The following CLPB variants were observed in gnomAD, a reference collection of about 807,000 sequenced individuals.
The protein encoded by CLPB is mitochondrial disaggregase.
Under a neutral mutation model 78.4 loss-of-function variants are expected in CLPB, and 40 were observed. The ratio of observed to expected loss-of-function variants is 0.51; its 90% CI spans 0.40 to 0.66. CLPB has a LOEUF of 0.66. CLPB is among the 30% of genes least tolerant of loss of function. The pLI, the probability that CLPB is intolerant of heterozygous loss-of-function variation, is 0.00. For missense variants in CLPB, 780 were observed against 886.9 expected (o/e 0.88, Z 1.53); for synonymous variants, 333 against 348.0 (o/e 0.96, Z 0.48).
chr11:72,393,236 G>A (rs1232902574), intron 3 of CLPB, among the ~76,000 whole-genome samples: 1 of 152,164 alleles, frequency 6.6e-6, no homozygotes, highest in Non-Finnish European at 1.5e-5. Context: ...CCTAAGGCCA[G>A]TGTAGTCAGG....
At chr11:72,349,893 G>C (rs1414253771) in intron 5 of CLPB, among the ~76,000 whole-genome samples, 1 of 152,248 alleles carries the variant, frequency 6.6e-6, no homozygotes, top group Non-Finnish European at 1.5e-5. Context: ...CCTCACCCAA[G>C]GGAGCCTTGG....
intron 2 of CLPB, among the ~76,000 whole-genome samples, chr11:72,405,859 C>T (rs1855693490): frequency 6.6e-6 from 1 of 151,644 alleles, no homozygotes; most frequent in Admixed American, 6.6e-5. Context: ...ACCTGGGAGG[C>T]GGAGCTTGCA....
At chr11:72,426,224 GTGT>G (rs1198796452) in intron 2 of CLPB, among the ~76,000 whole-genome samples, 1 of 152,198 alleles carries the variant, frequency 6.6e-6, no homozygotes, top group Non-Finnish European at 1.5e-5. Context: ...ATGGGTAGGG[GTGT>G]TGTCTTTCAC....
chr11:72,376,656 T>A (rs1025822635), intron 4 of CLPB, among the ~76,000 whole-genome samples: 3 of 152,082 alleles, frequency 2.0e-5, no homozygotes, highest in Non-Finnish European at 4.4e-5. Flanking sequence ...ATTATTATTT[T>A]TTTTTAACAG....
At position 72,380,704 on chromosome 11, in the gene CLPB, T is replaced by C. The variant is rs370786492; in HGVS notation, c.543-320A>G. ...AAAAGGCAGCAGCCTCTGAAACTTA[T>C]CAGCTGAGAAGCTTGGGACAAGTTA... On this transcript the variant is annotated intron_variant, in intron 3 of 15. Coordinates refer to ENST00000538039, the MANE Select transcript of CLPB (RefSeq NM_001258392.3). 1.6e-4 allele frequency among the ~76,000 whole-genome samples: 24 copies of C among 152,172 alleles called. 5 individuals carry two copies. Among genetic ancestry groups the C allele is most frequent in the Admixed American group, 1.4e-3 (21 of 15,278 alleles).
chr11:72,356,047 C>T (rs1194351411), intron 5 of CLPB, among the ~76,000 whole-genome samples: 3 of 151,942 alleles, frequency 2.0e-5, no homozygotes, highest in Admixed American at 6.6e-5. Flanking sequence ...TTTGGGAGGC[C>T]GAGGCGGGCG....
chr11:72,370,385 T>C (rs1383901177), intron 4 of CLPB, among the ~76,000 whole-genome samples: 25 of 152,202 alleles, frequency 1.6e-4, no homozygotes, highest in Admixed American at 1.6e-3. Context: ...GGCTGATTCA[T>C]TTAATCATGC....
At chr11:72,422,885 A>G (rs1363527081) in intron 2 of CLPB, among the ~76,000 whole-genome samples, 2 of 152,216 alleles carry the variant, frequency 1.3e-5, no homozygotes, top group South Asian at 4.1e-4. Flanking sequence ...GGACACCTCA[A>G]TCCTGGCACA....
At chr11:72,337,272 T>G in intron 5 of CLPB, 1 of 395,860 alleles carries the variant, frequency 2.5e-6, no homozygotes, top group Non-Finnish European at 4.5e-6. Context: ...TACACAGACA[T>G]TCACACTTGC....
At chr11:72,344,887 A>G (rs1302470008) in intron 5 of CLPB, among the ~76,000 whole-genome samples, 2 of 152,242 alleles carry the variant, frequency 1.3e-5, no homozygotes, top group Non-Finnish European at 2.9e-5. Context: ...CAAATAGACA[A>G]TTCACAAAAG....
intron 3 of CLPB, among the ~76,000 whole-genome samples, chr11:72,394,949 C>T (rs561435209): frequency 9.2e-5 from 14 of 152,280 alleles, no homozygotes; most frequent in Middle Eastern, 6.8e-3. Context: ...TTCTTGGGTT[C>T]CCTGCCGGTT....
intron 5 of CLPB, among the ~76,000 whole-genome samples, chr11:72,340,019 G>C (rs777876110): frequency 6.6e-6 from 1 of 152,180 alleles, no homozygotes; most frequent in Non-Finnish European, 1.5e-5. Flanking sequence ...ACTTGTTTAT[G>C]AACCTACAGA....
chr11:72,314,048 G>A (rs985900265), intron 7 of CLPB, among the ~76,000 whole-genome samples: 4 of 152,218 alleles, frequency 2.6e-5, no homozygotes, highest in African/African-American at 9.6e-5. Context: ...GGAGAGTCCA[G>A]AAGGGTGCAA....
intron 2 of CLPB, among the ~76,000 whole-genome samples, chr11:72,414,163 T>C (rs1290443062): frequency 1.3e-5 from 2 of 152,124 alleles, no homozygotes; most frequent in Non-Finnish European, 2.9e-5. Context: ...AGGCTGAGAC[T>C]GAATAAAACA....
chr11:72,333,486 T>C (rs1950264693), intron 5 of CLPB, among the ~76,000 whole-genome samples: 1 of 152,258 alleles, frequency 6.6e-6, no homozygotes, highest in Non-Finnish European at 1.5e-5. Context: ...ACTCTCTCCT[T>C]TGAGTTCTAT....
intron 3 of CLPB, among the ~76,000 whole-genome samples, chr11:72,382,445 C>A (rs983167324): frequency 6.6e-6 from 1 of 152,234 alleles, no homozygotes; most frequent in Non-Finnish European, 1.5e-5. Flanking sequence ...GCTCAAGGCC[C>A]ATGCCATCAC....
intron 1 of CLPB, among the ~76,000 whole-genome samples, chr11:72,433,487 C>T (rs541311085): frequency 1.1e-3 from 164 of 151,768 alleles, no homozygotes; most frequent in African/African-American, 3.8e-3. Context: ...TTGCAGTGGG[C>T]CGAGATTGCG....
chr11:72,418,769 C>T (rs757191999), intron 2 of CLPB, among the ~76,000 whole-genome samples: 7 of 150,930 alleles, frequency 4.6e-5, no homozygotes, highest in Non-Finnish European at 7.4e-5. Flanking sequence ...CCAGGAGAAT[C>T]GCTTGAACCC....
At chr11:72,387,163 A>G (rs942463978) in intron 3 of CLPB, among the ~76,000 whole-genome samples, 34 of 152,240 alleles carry the variant, frequency 2.2e-4, no homozygotes, top group Admixed American at 1.8e-3. Flanking sequence ...TCTCCATTGA[A>G]GTCCACACTG....
Sources: gnomAD v4.1 joint callset for allele counts (sites outside exome capture counted in the v4.1 genomes callset) on GRCh38, gnomAD v4.1.1 for gene constraint, MANE v1.5 for transcripts, NCBI Gene and HGNC (gene_info 2026-07-23, HGNC 2026-07-21) for gene names.